The following ANK3 variants were observed in gnomAD, a reference collection of about 807,000 sequenced individuals.
ANK3 encodes the protein ankyrin-3.
Under a neutral mutation model 370.9 loss-of-function variants are expected in ANK3, and 57 were observed. That is an observed-to-expected ratio of 0.15 (90% confidence interval 0.12 to 0.19). ANK3 has a LOEUF of 0.19. Among genes scored for constraint, ANK3 ranks in the 10% least tolerant of loss-of-function variants. ANK3 has a pLI of 1.00. For synonymous variants in ANK3, 1,929 were observed against 1,946.3 expected, an observed-to-expected ratio of 0.99 and a Z score of 0.23; for missense variants, 4,439 against 5,302.1, an observed-to-expected ratio of 0.84 and a Z score of 5.06.
At chr10:60,314,013 A>C (rs1436639438) in intron 1 of ANK3, among the ~76,000 whole-genome samples, 2 of 151,046 alleles carry the variant, frequency 1.3e-5, no homozygotes, top group African/African-American at 2.4e-5. Flanking sequence ...TCCCTGCTAG[A>C]GTGTGCACTC....
chr10:60,178,597 G>A (rs1439332780), intron 18 of ANK3, among the ~76,000 whole-genome samples: 1 of 152,024 alleles, frequency 6.6e-6, no homozygotes, highest in African/African-American at 2.4e-5. Flanking sequence ...ATTCTATGAG[G>A]GCAAGGAATA....
chr10:60,227,856 G>T (rs181740716), intron 8 of ANK3, among the ~76,000 whole-genome samples: 2 of 152,214 alleles, frequency 1.3e-5, no homozygotes, highest in East Asian at 3.9e-4. Flanking sequence ...CAACAGTGGA[G>T]TCATCTGTGG....
chr10:60,356,982 T>C (rs900064610), intron 1 of ANK3, among the ~76,000 whole-genome samples: 2 of 152,208 alleles, frequency 1.3e-5, no homozygotes, highest in Admixed American at 6.5e-5. Flanking sequence ...ATTCTGGGAT[T>C]ACCGGCGTGA....
intron 5 of ANK3, among the ~76,000 whole-genome samples, chr10:60,267,743 T>C (rs1346528118): frequency 2.7e-4 from 41 of 152,292 alleles, no homozygotes; most frequent in Admixed American, 2.6e-3. Flanking sequence ...GAGAGATACT[T>C]AGTGATCCGT....
intron 2 of ANK3, among the ~76,000 whole-genome samples, chr10:60,436,452 C>T (rs553851608): frequency 3.0e-4 from 46 of 152,318 alleles, no homozygotes; most frequent in African/African-American, 1.1e-3. Context: ...GGTTCCATTT[C>T]TCTACATCCT....
chr10:60,055,532 T>C, intron 42 of ANK3, 126 bp downstream of exon 42: 1 of 1,281,548 alleles, frequency 7.8e-7, no homozygotes, highest in South Asian at 1.7e-5. Context: ...AGTGCTACAA[T>C]TTCACACATT....
chr10:60,429,130 A>G (rs1445912699), intron 2 of ANK3, among the ~76,000 whole-genome samples: 1 of 152,214 alleles, frequency 6.6e-6, no homozygotes, highest in Non-Finnish European at 1.5e-5. Flanking sequence ...ACCCAAGGGA[A>G]TTCCAGAGCC....
At chr10:60,451,322 C>T (rs1056420011) in intron 2 of ANK3, among the ~76,000 whole-genome samples, 18 of 152,124 alleles carry the variant, frequency 1.2e-4, no homozygotes, top group African/African-American at 3.9e-4. Context: ...CTATGGCAAC[C>T]CTTGGAAACT....
At chr10:60,472,522 T>C (rs1250797074) in intron 2 of ANK3, among the ~76,000 whole-genome samples, 2 of 152,096 alleles carry the variant, frequency 1.3e-5, no homozygotes, top group Non-Finnish European at 2.9e-5. Flanking sequence ...CTGAATAGAG[T>C]TGGGTTTTTG....
intron 1 of ANK3, among the ~76,000 whole-genome samples, chr10:60,286,777 T>A (rs543767005): frequency 6.6e-6 from 1 of 152,354 alleles, no homozygotes; most frequent in Admixed American, 6.5e-5. Flanking sequence ...TGGATTAATG[T>A]TGTCATATTC....
chr10:60,172,326 T>C lies in ANK3; in HGVS notation c.2460A>G (p.Glu820=). ...SVVDTLKIVT[E]ETMTTTTVTE... ...TACTTACAGTTGTGGTCATGGTCTCTTCGGTCACTATCTTCAGGGTGTCCA... is the reference window on the plus strand; with the variant it reads ...TACTTACAGTTGTGGTCATGGTCTCCTCGGTCACTATCTTCAGGGTGTCCA... The change falls in exon 21 of 44, where the codon GAA becomes GAG. Residue 820 remains glutamate (E), a synonymous_variant. Coordinates refer to ENST00000280772, the MANE Select transcript of ANK3 (RefSeq NM_020987.5). 1 of 1,613,930 alleles carries C rather than the reference T, an allele frequency of 6.2e-7. No homozygotes were observed.
At chr10:60,344,946 G>A (rs4620673) in intron 1 of ANK3, among the ~76,000 whole-genome samples, 106,159 of 152,080 alleles carry the variant, frequency 0.7, 38,325 homozygotes, top group South Asian at 0.92. Flanking sequence ...CATTCATTCT[G>A]AAAAGGCTAA....
intron 2 of ANK3, among the ~76,000 whole-genome samples, chr10:60,488,481 CAG>C (rs1429769863): frequency 2.0e-5 from 3 of 152,176 alleles, no homozygotes; most frequent in East Asian, 1.9e-4. Context: ...AGTATATTTA[CAG>C]AGTTGTGCAA....
Position 60,389,860 on chromosome 10 carries a change from G to C in ANK3, c.-322C>G. The C allele has an allele frequency of 3.7e-6, 4 of 1,067,956 alleles. No homozygotes were observed. The highest frequency in any genetic ancestry group is 4.5e-6 in the Non-Finnish European group (4 of 883,748). 66.2% of individuals were successfully genotyped at this position (1,067,956 alleles called of 1,614,324 possible). On this transcript the variant is annotated 5_prime_UTR_variant, in exon 1 of 44. Coordinates refer to ENST00000280772, the MANE Select transcript of ANK3 (RefSeq NM_020987.5). ...ATTATGGCTGTATCCCCTGCCACCAGCTGGAAGTGTCTAAGTGATTCCTCG... is the reference window on the plus strand; with the variant it reads ...ATTATGGCTGTATCCCCTGCCACCACCTGGAAGTGTCTAAGTGATTCCTCG...
chr10:60,387,750 C>A (rs2062605767), intron 1 of ANK3, among the ~76,000 whole-genome samples: 1 of 152,186 alleles, frequency 6.6e-6, no homozygotes, highest in African/African-American at 2.4e-5. Context: ...AAAGCATTTG[C>A]TACAGCTCAT....
intron 2 of ANK3, among the ~76,000 whole-genome samples, chr10:60,562,096 T>C (rs547837525): frequency 6.6e-6 from 1 of 152,176 alleles, no homozygotes; most frequent in Non-Finnish European, 1.5e-5. Flanking sequence ...ACCTATTAAA[T>C]AGTTTTGCAT....
At chr10:60,144,509 T>A (rs2132228106) in intron 23 of ANK3, among the ~76,000 whole-genome samples, 1 of 152,148 alleles carries the variant, frequency 6.6e-6, no homozygotes, top group South Asian at 2.1e-4. Context: ...AATACAAAAC[T>A]CCCCAAATCT....
In ANK3 at chr10:60,075,626, A is replaced by C. The variant is rs747646204; in HGVS notation, c.5255T>G (p.Val1752Gly). The stretch of plus-strand genomic sequence containing the variant: ...AGTGGCTGCACTGACCACAGAGCTC[A>C]CAGAGTTTGTAGCAGAAGAAATTTT... ...QEKISSATNSVSSVVSAATDT... is the reference protein window; with the variant it reads ...QEKISSATNSGSSVVSAATDT... Residue 1752 changes from valine (V) to glycine (G), a missense_variant, in exon 37 of 44, where the codon GTG becomes GGG. Val to Gly is a moderately radical substitution (Grantham distance 109). Coordinates refer to ENST00000280772, the MANE Select transcript of ANK3 (RefSeq NM_020987.5). The C allele has an allele frequency of 1.2e-6, 2 of 1,614,100 alleles. No individual in the cohort carries two copies. Among genetic ancestry groups the C allele is most frequent in the South Asian group, 2.2e-5 (2 of 91,080 alleles).
chr10:60,682,419 G>A lies in ANK3; in HGVS notation c.57+50844C>T, dbSNP rs553382719. Among the ~76,000 whole-genome samples, 4 of 150,594 alleles carry A rather than the reference G, an allele frequency of 2.7e-5. No individual in the cohort carries two copies. The East Asian group carries it at 5.8e-4, about 22-fold the overall frequency. ...CTCATTTTTTTTTTTTTACATCAGTGTGGTGTTATGATATATATTGGATTT... is the reference window on the plus strand; with the variant it reads ...CTCATTTTTTTTTTTTTACATCAGTATGGTGTTATGATATATATTGGATTT... On this transcript the variant is annotated intron_variant, in intron 1 of 43. Transcript: ENST00000373827.
Sources: gnomAD v4.1 joint callset for allele counts (sites outside exome capture counted in the v4.1 genomes callset) on GRCh38, gnomAD v4.1.1 for gene constraint, MANE v1.5 for transcripts, NCBI Gene and HGNC (gene_info 2026-07-23, HGNC 2026-07-21) for gene names.